GRAMD2B: variants seen among roughly 807,000 people sequenced by gnomAD.
The protein encoded by GRAMD2B is GRAM domain containing 2B.
GRAMD2B carries 41 observed loss-of-function variants against 59.2 expected under a neutral mutation model. The ratio of observed to expected loss-of-function variants is 0.69; its 90% CI spans 0.54 to 0.90. The LOEUF (loss-of-function observed/expected upper bound fraction) is 0.90, where lower values mean the gene tolerates loss of function less well. GRAMD2B is among the 40% of genes least tolerant of loss of function. The pLI is 0.00. For missense variants in GRAMD2B, 424 were observed against 500.5 expected, an observed-to-expected ratio of 0.85 and a Z score of 1.46; for synonymous variants, 161 against 182.7, an observed-to-expected ratio of 0.88 and a Z score of 0.96.
chr5:126,471,766 G>A (rs191140393), intron 3 of GRAMD2B, among the ~76,000 whole-genome samples: 1 of 152,294 alleles, frequency 6.6e-6, no homozygotes, highest in African/African-American at 2.4e-5. Flanking sequence ...AAGGCCCAGG[G>A]AGATTAAGTG....
intron 3 of GRAMD2B, among the ~76,000 whole-genome samples, chr5:126,471,686 T>C (rs1444034046): frequency 1.3e-5 from 2 of 152,180 alleles, no homozygotes; most frequent in Non-Finnish European, 2.9e-5. Context: ...ACATGTATTA[T>C]CCCATTTAAG....
chr5:126,417,346 A>T (rs1759347040), intron 1 of GRAMD2B, among the ~76,000 whole-genome samples: 1 of 152,292 alleles, frequency 6.6e-6, no homozygotes, highest in Admixed American at 6.5e-5. Flanking sequence ...AAAAAATCCA[A>T]CTGTACTGAG....
At chr5:126,444,441 G>A (rs907058324) in intron 1 of GRAMD2B, among the ~76,000 whole-genome samples, 1 of 152,086 alleles carries the variant, frequency 6.6e-6, no homozygotes, top group Non-Finnish European at 1.5e-5. Flanking sequence ...CAGATTTTTT[G>A]TTCTAAGAAT....
chr5:126,412,901 G>A (rs1435523475), intron 1 of GRAMD2B, among the ~76,000 whole-genome samples: 2 of 152,074 alleles, frequency 1.3e-5, no homozygotes, highest in Admixed American at 1.3e-4. Flanking sequence ...GTATGGAGGT[G>A]TTTATAATAG....
At chr5:126,450,549 C>G (rs1765148743) in intron 1 of GRAMD2B, among the ~76,000 whole-genome samples, 1 of 151,630 alleles carries the variant, frequency 6.6e-6, no homozygotes, top group Non-Finnish European at 1.5e-5. Flanking sequence ...GTTATCATTT[C>G]TGACTCCTCC....
chr5:126,425,943 C>T (rs767417750), intron 1 of GRAMD2B, among the ~76,000 whole-genome samples: 2 of 151,864 alleles, frequency 1.3e-5, no homozygotes, highest in African/African-American at 2.4e-5. Context: ...TTCTATTGCA[C>T]AGCAAGGAGA....
chr5:126,424,135 G>A (rs1472037438), intron 1 of GRAMD2B, among the ~76,000 whole-genome samples: 1 of 152,234 alleles, frequency 6.6e-6, no homozygotes, highest in African/African-American at 2.4e-5. Flanking sequence ...TTCAAGAGCA[G>A]AGTGGGGATG....
intron 1 of GRAMD2B, among the ~76,000 whole-genome samples, chr5:126,412,126 A>G (rs1758859433): frequency 6.6e-6 from 1 of 151,878 alleles, no homozygotes; most frequent in South Asian, 2.1e-4. Context: ...GATTGCTCTG[A>G]CGAGGACTTC....
chr5:126,424,113 C>A (rs1309427313), intron 1 of GRAMD2B, among the ~76,000 whole-genome samples: 2 of 152,146 alleles, frequency 1.3e-5, no homozygotes, highest in Non-Finnish European at 2.9e-5. Context: ...TTTGGATCTG[C>A]CCTTCTGGAA....
intron 1 of GRAMD2B, among the ~76,000 whole-genome samples, chr5:126,375,569 A>C (rs189806725): frequency 2.1e-4 from 32 of 152,066 alleles, no homozygotes; most frequent in Middle Eastern, 3.4e-3. Context: ...ACAGGGTTTC[A>C]CCATGTTAGC....
chr5:126,435,914 A>G (rs1338888958), intron 1 of GRAMD2B, among the ~76,000 whole-genome samples: 1 of 152,184 alleles, frequency 6.6e-6, no homozygotes, highest in Non-Finnish European at 1.5e-5. Context: ...ACGTTTATAG[A>G]TACATATGAG....
intron 1 of GRAMD2B, among the ~76,000 whole-genome samples, chr5:126,455,737 A>G (rs1358962687): frequency 6.6e-6 from 1 of 152,248 alleles, no homozygotes; most frequent in Non-Finnish European, 1.5e-5. Context: ...AGTTTCTCGT[A>G]CTGAAATATA....
Position 126,480,442 on chromosome 5 carries a change from G to A in GRAMD2B, c.583-14G>A. The A allele has an allele frequency of 6.3e-7, 1 of 1,578,510 alleles. No homozygotes were observed. The highest frequency in any genetic ancestry group is 8.7e-7 in the Non-Finnish European group (1 of 1,148,008). On this transcript the variant is annotated splice_polypyrimidine_tract_variant and intron_variant, in intron 6 of 13. Coordinates refer to ENST00000285689, the MANE Select transcript of GRAMD2B (RefSeq NM_023927.4). Reference sequence around the variant, plus strand: ...GGCAATATCTATTCATAATTATCCTGTTTTGTTTTTCAGTACATATTTGTC... The same window carrying A: ...GGCAATATCTATTCATAATTATCCTATTTTGTTTTTCAGTACATATTTGTC...
At chr5:126,399,718 T>C (rs891162641) in intron 1 of GRAMD2B, among the ~76,000 whole-genome samples, 2 of 152,218 alleles carry the variant, frequency 1.3e-5, no homozygotes, top group African/African-American at 2.4e-5. Context: ...GAATTGACCC[T>C]TTTAACATTA....
At chr5:126,436,688 T>C (rs2149815947) in intron 1 of GRAMD2B, among the ~76,000 whole-genome samples, 1 of 152,326 alleles carries the variant, frequency 6.6e-6, no homozygotes, top group South Asian at 2.1e-4. Context: ...CACTATAATT[T>C]GAGCAATGTC....
chr5:126,463,492 A>G (rs1337509875), intron 1 of GRAMD2B, among the ~76,000 whole-genome samples: 1 of 152,234 alleles, frequency 6.6e-6, no homozygotes, highest in African/African-American at 2.4e-5. Flanking sequence ...GCTAAGTTTA[A>G]TAAAGTCCAA....
At chr5:126,439,328 CTT>C (rs930960414) in intron 1 of GRAMD2B, among the ~76,000 whole-genome samples, 26 of 122,516 alleles carry the variant, frequency 2.1e-4, no homozygotes, top group Admixed American at 2.4e-4. Flanking sequence ...TTTGGTTTTG[CTT>C]TTTTTTTTTT....
intron 1 of GRAMD2B, chr5:126,462,450 A>T (rs1767552369): frequency 1.0e-6 from 1 of 985,144 alleles, no homozygotes; most frequent in Admixed American, 6.2e-5. Flanking sequence ...AAGGTAAGGG[A>T]CGCTTGCAGG....
chr5:126,384,689 G>C (rs1755962615), intron 1 of GRAMD2B, among the ~76,000 whole-genome samples: 1 of 152,200 alleles, frequency 6.6e-6, no homozygotes, highest in Admixed American at 6.5e-5. Flanking sequence ...CATATCTGTT[G>C]CCCTTCCTTG....
Sources: gnomAD v4.1 joint callset for allele counts (sites outside exome capture counted in the v4.1 genomes callset) on GRCh38, gnomAD v4.1.1 for gene constraint, MANE v1.5 for transcripts, NCBI Gene and HGNC (gene_info 2026-07-23, HGNC 2026-07-21) for gene names.